The following CACNA2D2 variants were observed in gnomAD, a reference collection of about 807,000 sequenced individuals.
The protein encoded by CACNA2D2 is voltage-dependent calcium channel subunit alpha-2/delta-2.
CACNA2D2 carries 48 observed loss-of-function variants against 166.4 expected under a neutral mutation model. The ratio of observed to expected loss-of-function variants is 0.29; its 90% CI spans 0.23 to 0.37. The LOEUF (loss-of-function observed/expected upper bound fraction) is 0.37, where lower values mean the gene tolerates loss of function less well. Ranked by LOEUF, CACNA2D2 falls within the 10% of genes least tolerant of loss-of-function variation. CACNA2D2 has a pLI of 1.00. For missense variants in CACNA2D2, 1,122 were observed against 1,433.0 expected, an observed-to-expected ratio of 0.78 and a Z score of 3.50; for synonymous variants, 561 against 573.7, an observed-to-expected ratio of 0.98 and a Z score of 0.32.
intron 2 of CACNA2D2, among the ~76,000 whole-genome samples, chr3:50,444,036 A>C (rs549002673): frequency 6.6e-6 from 1 of 152,326 alleles, no homozygotes; most frequent in East Asian, 1.9e-4. Flanking sequence ...ATGAGACGGA[A>C]TTGAGGCCAG....
In CACNA2D2 at chr3:50,379,128, C is replaced by T. The variant is rs587639951; in HGVS notation, c.1224G>A (p.Gln408=). The T allele has an allele frequency of 6.2e-7, 1 of 1,614,042 alleles. No homozygotes were observed. Among genetic ancestry groups the T allele is most frequent in the Admixed American group, 1.7e-5 (1 of 60,026 alleles). Residue 408 remains glutamine, a synonymous_variant, in exon 12 of 38, where the codon CAG becomes CAA. Transcript: ENST00000424201. This position sits in a 1 kb window ranked among gnomAD's most constrained non-coding sequence, Gnocchi z 6.5. ...GCCAATTGTACTTCTCAAAGACGTC[C>T]TGCACGCGGTCCTCACCACCATCCG... is the stretch of plus-strand genomic sequence containing the variant. ...MFTDGGEDRV[Q]DVFEKYNWPN... is the part of the protein sequence containing the mutation.
At chr3:50,430,684 T>C (rs188673439) in intron 3 of CACNA2D2, among the ~76,000 whole-genome samples, 5 of 152,282 alleles carry the variant, frequency 3.3e-5, no homozygotes, top group Admixed American at 3.3e-4. Flanking sequence ...AGCCAGGCTG[T>C]AGACTAGGAC....
chr3:50,419,796 G>A (rs916217), intron 3 of CACNA2D2: 22,658 of 152,242 alleles, frequency 0.15, 2,430 homozygotes, highest in East Asian at 0.41. Context: ...TGGCTGTACC[G>A]CTCTGAACGT....
intron 6 of CACNA2D2, among the ~76,000 whole-genome samples, chr3:50,381,461 T>A (rs2106672457): frequency 6.6e-6 from 1 of 152,206 alleles, no homozygotes. Context: ...CAGTCCAGCA[T>A]GCTGCCTGGA....
Position 50,379,322 on chromosome 3 carries a change from C to G in CACNA2D2, c.1152+110G>C. Reference sequence around the variant, plus strand: ...CCCCACAGCAGATGGAGCTATCTGTCCAAGCTGCCTGTTTGGTGCTAACGA... The same window carrying G: ...CCCCACAGCAGATGGAGCTATCTGTGCAAGCTGCCTGTTTGGTGCTAACGA... On this transcript the variant is annotated intron_variant, in intron 11 of 37. Coordinates refer to ENST00000424201, the MANE Select transcript of CACNA2D2 (RefSeq NM_006030.4). This position sits in a 1 kb window ranked among gnomAD's most constrained non-coding sequence, Gnocchi z 6.5. 3.4e-6 allele frequency: 5 copies of G among 1,472,972 alleles called. No homozygotes were observed. Among genetic ancestry groups the G allele is most frequent in the Non-Finnish European group, 4.7e-6 (5 of 1,066,602 alleles). 91.2% of individuals were successfully genotyped at this position (1,472,972 alleles called of 1,614,324 possible). A position where few individuals can be genotyped will look rare whatever the true frequency, so the allele number is the denominator to read the frequency against.
At chr3:50,402,306 A>G (rs1226353724) in intron 3 of CACNA2D2, among the ~76,000 whole-genome samples, 1 of 152,136 alleles carries the variant, frequency 6.6e-6, no homozygotes, top group Admixed American at 6.6e-5. Context: ...TGGAAATGGG[A>G]GTGAAACCCA....
chr3:50,487,569 C>A (rs761289339), intron 1 of CACNA2D2, among the ~76,000 whole-genome samples: 12 of 152,184 alleles, frequency 7.9e-5, no homozygotes, highest in Non-Finnish European at 1.6e-4. Context: ...CTGTTACTCT[C>A]GGGTGCTCTG....
At chr3:50,382,106 C>T (rs1705354006) in intron 6 of CACNA2D2, among the ~76,000 whole-genome samples, 1 of 152,146 alleles carries the variant, frequency 6.6e-6, no homozygotes, top group African/African-American at 2.4e-5. Flanking sequence ...GAGCAGTACC[C>T]TCGACCCCCA....
intron 1 of CACNA2D2, among the ~76,000 whole-genome samples, chr3:50,479,352 G>A (rs1697944854): frequency 6.6e-6 from 1 of 152,180 alleles, no homozygotes; most frequent in African/African-American, 2.4e-5. Flanking sequence ...CTGCTGGGCA[G>A]ACCCCAAGCC....
chr3:50,414,261 C>T (rs775971573), intron 3 of CACNA2D2, among the ~76,000 whole-genome samples: 2 of 152,146 alleles, frequency 1.3e-5, no homozygotes, highest in Non-Finnish European at 2.9e-5. Flanking sequence ...GAGCCACATA[C>T]CCGCACCGTG....
In CACNA2D2 at chr3:50,365,350, C is replaced by T; in HGVS notation, c.3098+6G>A. Reference sequence around the variant, plus strand: ...TTGGCCTCTGGTCCCGCCCCACTGCCAGCACCTGGAGCAGTTTCCGCAGTC... The same window carrying T: ...TTGGCCTCTGGTCCCGCCCCACTGCTAGCACCTGGAGCAGTTTCCGCAGTC... On this transcript the variant is annotated splice_donor_region_variant and intron_variant, in intron 35 of 37. Transcript: ENST00000424201. The surrounding 1 kb of genome is among the most constrained non-coding windows in gnomAD (Gnocchi z 4.5). 6.2e-7 allele frequency: 1 copy of T among 1,612,732 alleles called. No homozygotes were observed.
At chr3:50,468,829 CTTTT>C (rs5848893) in intron 2 of CACNA2D2, among the ~76,000 whole-genome samples, 1 of 133,082 alleles carries the variant, frequency 7.5e-6, no homozygotes. Context: ...CCTTCTCTCT[CTTTT>C]TTTTTTTTTT....
rs113044486 is a variant in CACNA2D2 at position 50,390,418 on chromosome 3, G to C, written c.466-2806C>G. Among the ~76,000 whole-genome samples the C allele has an allele frequency of 6.9e-3, 1,058 of 152,284 alleles. 8 individuals are homozygous for C. The highest frequency in any genetic ancestry group is 0.024 in the African/African-American group (989 of 41,552). On this transcript the variant is annotated intron_variant, in intron 4 of 37. Coordinates refer to ENST00000424201, the MANE Select transcript of CACNA2D2 (RefSeq NM_006030.4). ...TCTGAGGGTATGAAGAGAACAGGGA[G>C]CTGGGCCTCCCCAGGGGTAGGGCCA...
At chr3:50,489,065 G>A (rs1374097869) in intron 1 of CACNA2D2, among the ~76,000 whole-genome samples, 2 of 152,168 alleles carry the variant, frequency 1.3e-5, no homozygotes, top group African/African-American at 4.8e-5. Flanking sequence ...GCACCTGACA[G>A]GCAGAAGGTG....
chr3:50,462,387 A>AAATAATAAT lies in CACNA2D2; in HGVS notation c.288+13722_288+13730dup, dbSNP rs55797246. 6.4e-3 allele frequency among the ~76,000 whole-genome samples: 881 copies of AAATAATAAT among 137,590 alleles called. 4 individuals carry two copies. Among genetic ancestry groups the AAATAATAAT allele is most frequent in the African/African-American group, 7.4e-3 (268 of 36,112 alleles). 90.3% of individuals were successfully genotyped at this position (137,590 alleles called of 152,430 possible). ...TGGGTGGCAGAGCAAGACTGTCTCA[A>AAATAATAAT]AATAATAATAATAATAATAATAATA... On this transcript the variant is annotated intron_variant, in intron 2 of 37. Coordinates refer to ENST00000424201, the MANE Select transcript of CACNA2D2 (RefSeq NM_006030.4).
intron 1 of CACNA2D2, among the ~76,000 whole-genome samples, chr3:50,497,569 C>T (rs539459196): frequency 3.3e-4 from 51 of 152,294 alleles, no homozygotes; most frequent in Non-Finnish European, 5.9e-5. Flanking sequence ...GGACCAGGAC[C>T]GGGGACACCA....
At chr3:50,394,021 G>C in intron 4 of CACNA2D2, 88 bp downstream of exon 4, 6 of 1,173,388 alleles carry the variant, frequency 5.1e-6, no homozygotes, top group Non-Finnish European at 7.6e-6. Context: ...TGTCCCTCAT[G>C]TGTCTGGGCA....
At chr3:50,502,208 A>C (rs1699000233) in intron 1 of CACNA2D2, among the ~76,000 whole-genome samples, 1 of 152,150 alleles carries the variant, frequency 6.6e-6, no homozygotes, top group Admixed American at 6.5e-5. Flanking sequence ...CCGACGACTC[A>C]TGCCCCAGTC....
At position 50,376,026 on chromosome 3, in the gene CACNA2D2, G is replaced by A; in HGVS notation, c.1710C>T (p.Asn570=). 1 of 1,613,400 alleles carries A rather than the reference G, an allele frequency of 6.2e-7. No individual in the cohort carries two copies. The highest frequency in any genetic ancestry group is 1.1e-5 in the South Asian group (1 of 91,082). ...LHPNLKPQTT[N]FREPVTLDFL... The stretch of plus-strand genomic sequence containing the variant: ...AGTCCAGAGTCACAGGCTCCCGGAA[G>A]TTGGTGGTCTGTTGGAGGCAGGGTG... The change falls in exon 19 of 38, where the codon AAC becomes AAT. Residue 570 remains asparagine, a synonymous_variant. Transcript: ENST00000424201. This position sits in a 1 kb window ranked among gnomAD's most constrained non-coding sequence, Gnocchi z 4.3.
Sources: gnomAD v4.1 joint callset for allele counts (sites outside exome capture counted in the v4.1 genomes callset) on GRCh38, gnomAD v4.1.1 for gene constraint, Gnocchi (gnomAD v3.1) non-coding constraint, MANE v1.5 for transcripts, NCBI Gene and HGNC (gene_info 2026-07-23, HGNC 2026-07-21) for gene names.